The following ASXL3 variants were observed in gnomAD, a reference collection of about 807,000 sequenced individuals.
The protein encoded by ASXL3 is ASXL transcriptional regulator 3, also known as putative Polycomb group protein ASXL3.
A neutral mutation model predicts 170.6 loss-of-function variants in ASXL3; 34 were observed. The ratio of observed to expected loss-of-function variants is 0.20; its 90% CI spans 0.15 to 0.27. The LOEUF (loss-of-function observed/expected upper bound fraction) is 0.27. Among genes scored for constraint, ASXL3 ranks in the 10% least tolerant of loss-of-function variants. The pLI, the probability that ASXL3 is intolerant of heterozygous loss-of-function variation, is 1.00. For missense variants in ASXL3, 2,592 were observed against 2,695.3 expected, an observed-to-expected ratio of 0.96 and a Z score of 0.85; for synonymous variants, 1,002 against 989.1, an observed-to-expected ratio of 1.01 and a Z score of -0.24.
intron 2 of ASXL3, among the ~76,000 whole-genome samples, chr18:33,622,582 G>A (rs998050857): frequency 6.6e-6 from 1 of 152,108 alleles, no homozygotes; most frequent in South Asian, 2.1e-4. Flanking sequence ...GCAGTCTGAA[G>A]GTGGGTAGTC....
At chr18:33,707,425 G>C (rs890574252) in intron 8 of ASXL3, among the ~76,000 whole-genome samples, 1 of 151,886 alleles carries the variant, frequency 6.6e-6, no homozygotes, top group African/African-American at 2.4e-5. Flanking sequence ...AGGAAAGGTA[G>C]TACATCATTT....
At chr18:33,679,159 C>G (rs746936067) in intron 7 of ASXL3, among the ~76,000 whole-genome samples, 1 of 152,162 alleles carries the variant, frequency 6.6e-6, no homozygotes, top group African/African-American at 2.4e-5. Context: ...AACTCTGTTA[C>G]ATGAGAATAT....
In ASXL3 at chr18:33,742,938, C is replaced by T. The variant is rs755145449; in HGVS notation, c.3090C>T (p.Val1030=). 18 of 1,612,938 alleles carry T rather than the reference C, an allele frequency of 1.1e-5. No homozygotes were observed. The East Asian group carries it at 4.0e-4, about 36-fold the overall frequency. ...CTTTTATAATCAAGAGCCAACCAGTCTCCAAACCTGAGTCTCGAGCATCCA... is the reference window on the plus strand; with the variant it reads ...CTTTTATAATCAAGAGCCAACCAGTTTCCAAACCTGAGTCTCGAGCATCCA... ...GPPFIIKSQP[V]SKPESRASTS... is the part of the protein sequence containing the mutation. Residue 1030 remains valine (V), a synonymous_variant, in exon 12 of 12, where the codon GTC becomes GTT. Coordinates refer to ENST00000269197, the MANE Select transcript of ASXL3 (RefSeq NM_030632.3).
At chr18:33,652,014 A>C (rs1379006091) in intron 4 of ASXL3, among the ~76,000 whole-genome samples, 2 of 152,088 alleles carry the variant, frequency 1.3e-5, no homozygotes, top group African/African-American at 4.8e-5. Context: ...TAATAATTAG[A>C]CTTGAGAATG....
intron 4 of ASXL3, among the ~76,000 whole-genome samples, chr18:33,652,603 CAA>C (rs554834298): frequency 2.9e-4 from 33 of 112,178 alleles, no homozygotes; most frequent in Admixed American, 4.9e-4. Flanking sequence ...TCTGTTGGGG[CAA>C]AAAAAAAAAA....
chr18:33,605,847 C>T (rs983805983), intron 1 of ASXL3, among the ~76,000 whole-genome samples: 4 of 151,900 alleles, frequency 2.6e-5, no homozygotes, highest in Non-Finnish European at 5.9e-5. Context: ...GCCTTTCCCT[C>T]CAGTTGCCCT....
At chr18:33,668,243 T>C (rs1216508562) in intron 5 of ASXL3, among the ~76,000 whole-genome samples, 1 of 152,014 alleles carries the variant, frequency 6.6e-6, no homozygotes, top group African/African-American at 2.4e-5. Flanking sequence ...CTGACCAACA[T>C]AGTGAAACCC....
chr18:33,578,576 C>G lies in ASXL3; in HGVS notation c.-56C>G, dbSNP rs551803878. 1.1e-5 allele frequency: 13 copies of G among 1,154,900 alleles called. No individual in the cohort carries two copies. The Admixed American group carries it at 3.7e-4, about 33-fold the overall frequency. 71.5% of individuals were successfully genotyped at this position (1,154,900 alleles called of 1,614,324 possible). A position where few individuals can be genotyped will look rare whatever the true frequency, so the allele number is the denominator to read the frequency against. On this transcript the variant is annotated 5_prime_UTR_variant, in exon 1 of 12. Transcript: ENST00000269197. ...GGTCATTGTCTCCGCGCCCGAACCC[C>G]GAGCACCCCGTGGAATCCCCCACGT...
chr18:33,746,199 A>G lies in ASXL3; in HGVS notation c.6351A>G (p.Leu2117=), dbSNP rs781051669. 9.9e-6 allele frequency: 16 copies of G among 1,613,830 alleles called. No homozygotes were observed. Among genetic ancestry groups the G allele is most frequent in the Non-Finnish European group, 1.4e-5 (16 of 1,179,900 alleles). Residue 2117 remains leucine, a synonymous_variant, in exon 12 of 12, where the codon CTA becomes CTG. Transcript: ENST00000269197. ...EMKEQLKAFA[L]KSADFSSYLL... ...AAGAACAGTTAAAAGCATTCGCGCT[A>G]AAAAGTGCAGATTTCTCTTCCTATT...
At chr18:33,693,087 A>C (rs867384787) in intron 8 of ASXL3, among the ~76,000 whole-genome samples, 1 of 152,296 alleles carries the variant, frequency 6.6e-6, no homozygotes, top group South Asian at 2.1e-4. Context: ...GTTGGGGTTA[A>C]GGCTTCAATA....
intron 7 of ASXL3, among the ~76,000 whole-genome samples, chr18:33,674,623 T>C (rs2066396366): frequency 7.0e-6 from 1 of 142,778 alleles, no homozygotes; most frequent in Non-Finnish European, 1.6e-5. Context: ...AACCCATGTC[T>C]TTTTTTTTTT....
Position 33,744,707 on chromosome 18 carries a change from C to T in ASXL3, c.4859C>T (p.Pro1620Leu), listed in dbSNP as rs1485743973. 6.2e-7 allele frequency: 1 copy of T among 1,612,446 alleles called. No individual in the cohort carries two copies. The highest frequency in any genetic ancestry group is 8.5e-7 in the Non-Finnish European group (1 of 1,179,110). The change falls in exon 12 of 12, where the codon CCT (proline) becomes CTT (leucine). Residue 1620 changes from proline (P) to leucine (L), a missense_variant. Around this residue, in one of 4 missense-constraint regions of ASXL3, gnomAD observed 2,246 missense variants for 2,219.6 expected, o/e 1.01. Coordinates refer to ENST00000269197, the MANE Select transcript of ASXL3 (RefSeq NM_030632.3). The part of the protein sequence containing the change: ...NDDGMRSTGQ[P>L]LVTHSGSSKQ... ...GATGGGATGAGGAGCACAGGACAGC[C>T]TCTGGTTACTCACTCGGGTTCAAGT... is the stretch of plus-strand genomic sequence containing the variant.
chr18:33,669,906 T>A (rs2066313249), intron 5 of ASXL3, among the ~76,000 whole-genome samples: 2 of 152,228 alleles, frequency 1.3e-5, no homozygotes, highest in Non-Finnish European at 2.9e-5. Context: ...CTAGATAAGC[T>A]GTATTTCAAA....
intron 2 of ASXL3, among the ~76,000 whole-genome samples, chr18:33,612,733 AT>A (rs2065356356): frequency 6.6e-6 from 1 of 152,064 alleles, no homozygotes; most frequent in Non-Finnish European, 1.5e-5. Context: ...TCTTGGTGAG[AT>A]TTACGTTGCT....
chr18:33,689,720 G>A (rs1401569812), intron 8 of ASXL3, among the ~76,000 whole-genome samples: 2 of 152,166 alleles, frequency 1.3e-5, no homozygotes, highest in African/African-American at 2.4e-5. Context: ...CTTGATCATT[G>A]TATTAAAGTG....
intron 4 of ASXL3, among the ~76,000 whole-genome samples, chr18:33,650,037 C>G (rs1221562986): frequency 6.6e-6 from 1 of 152,062 alleles, no homozygotes; most frequent in East Asian, 1.9e-4. Flanking sequence ...TGGGATGGGA[C>G]TGGGTCCACC....
At chr18:33,711,665 T>G (rs891361129) in intron 8 of ASXL3, among the ~76,000 whole-genome samples, 10 of 152,186 alleles carry the variant, frequency 6.6e-5, no homozygotes, top group African/African-American at 1.7e-4. Context: ...TGGTTGGTTG[T>G]TTGCGCACAG....
intron 2 of ASXL3, among the ~76,000 whole-genome samples, chr18:33,624,509 A>G (rs1035161478): frequency 6.6e-6 from 1 of 151,982 alleles, no homozygotes; most frequent in African/African-American, 2.4e-5. Context: ...GGTCACTTCA[A>G]CCTTCTGAAT....
intron 2 of ASXL3, among the ~76,000 whole-genome samples, chr18:33,640,675 CCTAA>C (rs1226125233): frequency 1.3e-5 from 2 of 152,066 alleles, no homozygotes; most frequent in Admixed American, 6.6e-5. Context: ...CTGAGACCCA[CCTAA>C]CTTACTCTTA....
Sources: gnomAD v4.1 joint callset for allele counts (sites outside exome capture counted in the v4.1 genomes callset) on GRCh38, gnomAD v4.1.1 for gene constraint, gnomAD v4.1.1 regional missense constraint, MANE v1.5 for transcripts, NCBI Gene and HGNC (gene_info 2026-07-23, HGNC 2026-07-21) for gene names.